JCAD: variants seen among roughly 807,000 people sequenced by gnomAD.
JCAD encodes the protein junctional cadherin 5-associated protein.
A neutral mutation model predicts 98.0 loss-of-function variants in JCAD; 40 were observed. That is an observed-to-expected ratio of 0.41 (90% CI 0.32 to 0.53). The LOEUF is 0.53. Among genes scored for constraint, JCAD ranks in the 20% least tolerant of loss-of-function variants. The probability of loss-of-function intolerance (pLI) is 0.31; values close to 1 mark genes in which losing one functional copy is unlikely to be tolerated. For synonymous variants in JCAD, 691 were observed against 682.3 expected, an observed-to-expected ratio of 1.01 and a Z score of -0.20; for missense variants, 1,705 against 1,738.1, an observed-to-expected ratio of 0.98 and a Z score of 0.34.
intron 1 of JCAD, among the ~76,000 whole-genome samples, chr10:30,053,462 G>T (rs1328655906): frequency 6.6e-6 from 1 of 151,852 alleles, no homozygotes; most frequent in Non-Finnish European, 1.5e-5. Flanking sequence ...CTAGTAGGCT[G>T]AGGTGGGAGG....
intron 3 of JCAD, among the ~76,000 whole-genome samples, chr10:30,021,400 A>G (rs1489755575): frequency 2.0e-5 from 3 of 152,000 alleles, no homozygotes; most frequent in Non-Finnish European, 4.4e-5. Flanking sequence ...GGGTCTCGCT[A>G]TGTTGCCCAG....
intron 1 of JCAD, among the ~76,000 whole-genome samples, chr10:30,056,670 C>A (rs541534490): frequency 2.0e-5 from 3 of 152,272 alleles, no homozygotes; most frequent in Admixed American, 1.3e-4. Context: ...ACTTCACGAT[C>A]TGATAACAAA....
rs189768294 is a variant in JCAD at position 30,031,856 on chromosome 10, G to A, written c.282-1990C>T. Among the ~76,000 whole-genome samples, 90 of 145,306 alleles carry A rather than the reference G, an allele frequency of 6.2e-4. No individual in the cohort carries two copies. The East Asian group carries it at 0.016, about 25-fold the overall frequency. On this transcript the variant is annotated intron_variant, in intron 2 of 3. Coordinates refer to ENST00000375377, the MANE Select transcript of JCAD (RefSeq NM_020848.4). ...TGCAAGCTCCGCCTCCCGTGTTCAC[G>A]CCATTCTCCTGCCTCAGCCTCCCAA...
At chr10:30,034,249 T>A (rs990304126) in intron 2 of JCAD, among the ~76,000 whole-genome samples, 1 of 151,292 alleles carries the variant, frequency 6.6e-6, no homozygotes, top group Middle Eastern at 3.2e-3. Flanking sequence ...ATAATAATAA[T>A]GATAATAACA....
rs1836512138 is a variant in JCAD at position 30,015,331 on chromosome 10, AC to A, written c.*2551del. On this transcript the variant is annotated 3_prime_UTR_variant, in exon 4 of 4. Coordinates refer to ENST00000375377, the MANE Select transcript of JCAD (RefSeq NM_020848.4). Reference sequence around the variant, plus strand: ...AGTTATGTATGTATGAGAAATAGAAACAATAACTAAACAATTAGTGTTAAAT... The same window carrying A: ...AGTTATGTATGTATGAGAAATAGAAAAATAACTAAACAATTAGTGTTAAAT... 1 of 152,222 alleles carries A rather than the reference AC, an allele frequency of 6.6e-6. No individual in the cohort carries two copies. The highest frequency in any genetic ancestry group is 1.5e-5 in the Non-Finnish European group (1 of 68,036). The allele number at this position is 152,222 out of a possible 1,614,324, so 9.4% of individuals were successfully genotyped here. A position where few individuals can be genotyped will look rare whatever the true frequency, so the allele number is the denominator to read the frequency against.
In JCAD at chr10:30,023,330, G is replaced by A. The variant is rs144290703; in HGVS notation, c.4045+2773C>T. ...TGGGACTACAGGCATGAGCCACCAC[G>A]CACGGCCTGTACCTTTTCTTTAGAT... On this transcript the variant is annotated intron_variant, in intron 3 of 3. Transcript: ENST00000375377. Among the ~76,000 whole-genome samples the A allele has an allele frequency of 6.3e-3, 957 of 152,238 alleles. 49 individuals are homozygous for A. The highest frequency in any genetic ancestry group is 0.058 in the Admixed American group (888 of 15,284).
At chr10:30,080,050 G>A (rs2132681574) in intron 1 of JCAD, among the ~76,000 whole-genome samples, 1 of 152,196 alleles carries the variant, frequency 6.6e-6, no homozygotes, top group South Asian at 2.1e-4. Flanking sequence ...AGCTACCTGA[G>A]TTGAGTAGTT....
Position 30,090,433 on chromosome 10 carries a change from T to C in JCAD, n.129-20612A>G, listed in dbSNP as rs182350229. Among the ~76,000 whole-genome samples, 44 of 152,068 alleles carry C rather than the reference T, an allele frequency of 2.9e-4. No individual in the cohort carries two copies. The South Asian group carries it at 4.4e-3, about 15-fold the overall frequency. ...GGCGGGTGCCTGTGATCCCAGCTAC[T>C]TGGAAGGCTGAGGCAGGAGAATCAC... On this transcript the variant is annotated intron_variant and non_coding_transcript_variant, in intron 1 of 2. Transcript: ENST00000465712.
At chr10:30,103,946 C>G (rs1485198575) in intron 1 of JCAD, among the ~76,000 whole-genome samples, 1 of 151,920 alleles carries the variant, frequency 6.6e-6, no homozygotes, top group Non-Finnish European at 1.5e-5. Context: ...AAATGCAGTT[C>G]AATGGGAGAG....
chr10:30,107,210 G>A (rs1838601077), intron 1 of JCAD, among the ~76,000 whole-genome samples: 1 of 152,192 alleles, frequency 6.6e-6, no homozygotes, highest in South Asian at 2.1e-4. Flanking sequence ...TTTCCAGTAG[G>A]TTAGGCACTG....
At chr10:30,071,934 A>T (rs1424897583) in intron 1 of JCAD, among the ~76,000 whole-genome samples, 1 of 152,206 alleles carries the variant, frequency 6.6e-6, no homozygotes, top group Non-Finnish European at 1.5e-5. Context: ...AGGCAAGTGA[A>T]CAGAGGTTAA....
At chr10:30,018,628 G>C (rs1383714557) in intron 3 of JCAD, among the ~76,000 whole-genome samples, 2 of 152,096 alleles carry the variant, frequency 1.3e-5, no homozygotes, top group East Asian at 3.9e-4. Flanking sequence ...CCATACAAAA[G>C]AGCAATCATC....
At chr10:30,066,287 T>C (rs975959708) in intron 2 of JCAD, among the ~76,000 whole-genome samples, 10 of 152,298 alleles carry the variant, frequency 6.6e-5, no homozygotes, top group African/African-American at 9.6e-5. Context: ...ATACCTCCAC[T>C]GTGAGGAGAT....
intron 1 of JCAD, among the ~76,000 whole-genome samples, chr10:30,109,053 T>C (rs1050084503): frequency 2.0e-5 from 3 of 152,280 alleles, no homozygotes; most frequent in African/African-American, 7.2e-5. Flanking sequence ...TGCTCTCCGC[T>C]GCACGCCCTG....
At chr10:30,102,701 G>C (rs114372293) in intron 1 of JCAD, among the ~76,000 whole-genome samples, 1,600 of 152,152 alleles carry the variant, frequency 0.011, 22 homozygotes, top group Middle Eastern at 0.048. Context: ...TTTGCCCTTC[G>C]GTGCCTGGCT....
chr10:30,096,141 TGGGCCATTGA>T (rs1039805023), intron 1 of JCAD, among the ~76,000 whole-genome samples: 3 of 152,200 alleles, frequency 2.0e-5, no homozygotes, highest in African/African-American at 7.2e-5. Context: ...GCCATCAGCC[TGGGCCATTGA>T]GGTCTTCTCT....
intron 3 of JCAD, among the ~76,000 whole-genome samples, chr10:30,024,720 G>C (rs1452403631): frequency 7.0e-6 from 1 of 142,938 alleles, no homozygotes; most frequent in East Asian, 2.0e-4. Context: ...TTTTGAGACG[G>C]AGTCTTGCTC....
chr10:30,073,647 G>GTCCTTCCTTCCTTCCT lies in JCAD; in HGVS notation n.129-3842_129-3827dup, dbSNP rs60380450. Among the ~76,000 whole-genome samples, 623 of 138,542 alleles carry GTCCTTCCTTCCTTCCT rather than the reference G, an allele frequency of 4.5e-3. 9 individuals are homozygous for GTCCTTCCTTCCTTCCT. Among genetic ancestry groups the GTCCTTCCTTCCTTCCT allele is most frequent in the South Asian group, 0.016 (68 of 4,282 alleles). The allele number at this position is 138,542 out of a possible 152,430, so 90.9% of individuals were successfully genotyped here. A position where few individuals can be genotyped will look rare whatever the true frequency, so the allele number is the denominator to read the frequency against. ...TTACAATGGACAGGATAGCAAGATT[G>GTCCTTCCTTCCTTCCT]TCCTTCCTTCCTTCCTTCCTTCCTT... is the stretch of plus-strand genomic sequence containing the variant. On this transcript the variant is annotated intron_variant and non_coding_transcript_variant, in intron 1 of 2. Coordinates refer to the JCAD transcript ENST00000465712.
chr10:30,028,135 CTTT>C lies in JCAD; in HGVS notation c.2010_2012del (p.Lys671del). On this transcript the variant is annotated inframe_deletion, in exon 3 of 4. Coordinates refer to ENST00000375377, the MANE Select transcript of JCAD (RefSeq NM_020848.4). ...AGCCAGAATGCTTGAGTTCTCTGTG[CTTT>C]GTAAGGTGGATGAAACTGAGGTCAT... The C allele has an allele frequency of 1.2e-6, 2 of 1,614,166 alleles. No homozygotes were observed. Among genetic ancestry groups the C allele is most frequent in the Non-Finnish European group, 1.7e-6 (2 of 1,180,032 alleles).
Sources: gnomAD v4.1 joint callset for allele counts (sites outside exome capture counted in the v4.1 genomes callset) on GRCh38, gnomAD v4.1.1 for gene constraint, MANE v1.5 for transcripts, NCBI Gene and HGNC (gene_info 2026-07-23, HGNC 2026-07-21) for gene names.